The following CRPPA variants were observed in gnomAD, a reference collection of about 807,000 sequenced individuals.
CRPPA encodes the protein CDP-L-ribitol pyrophosphorylase A.
A neutral mutation model predicts 52.0 loss-of-function variants in CRPPA; 43 were observed. The ratio of observed to expected loss-of-function variants is 0.83; its 90% confidence interval spans 0.65 to 1.07. The LOEUF is 1.07. Ranked by LOEUF, CRPPA falls within the 50% of genes least tolerant of loss-of-function variation. CRPPA has a pLI of 0.00. For missense variants in CRPPA, 629 were observed against 551.7 expected, an observed-to-expected ratio of 1.14 and a Z score of -1.40; for synonymous variants, 250 against 203.5, an observed-to-expected ratio of 1.23 and a Z score of -1.94.
chr7:16,150,601 A>G (rs544731626), intron 9 of CRPPA, among the ~76,000 whole-genome samples: 20 of 152,334 alleles, frequency 1.3e-4, no homozygotes, highest in African/African-American at 4.3e-4. Flanking sequence ...CTACCACGAT[A>G]TAAGAAAAAA....
At chr7:16,230,129 T>G (rs1782754745) in intron 8 of CRPPA, among the ~76,000 whole-genome samples, 1 of 152,132 alleles carries the variant, frequency 6.6e-6, no homozygotes. Context: ...CCTTATTTGG[T>G]TTAAATTTGA....
At chr7:16,216,845 G>A (rs960320847) in intron 8 of CRPPA, among the ~76,000 whole-genome samples, 9 of 152,294 alleles carry the variant, frequency 5.9e-5, no homozygotes, top group African/African-American at 1.9e-4. Flanking sequence ...AAACTGCAAG[G>A]CGGCAGCGAG....
intron 9 of CRPPA, 36 bp downstream of exon 9, chr7:16,216,030 C>T: frequency 2.7e-6 from 4 of 1,505,250 alleles, no homozygotes; most frequent in Non-Finnish European, 3.6e-6. Context: ...AACTAGTCTA[C>T]AGAACATACA....
intron 9 of CRPPA, among the ~76,000 whole-genome samples, chr7:16,152,161 T>C (rs919692856): frequency 1.1e-4 from 17 of 151,940 alleles, no homozygotes; most frequent in South Asian, 2.1e-4. Flanking sequence ...TAAGAAAATA[T>C]GATGGAAATG....
chr7:16,174,604 A>G (rs532845109), intron 9 of CRPPA, among the ~76,000 whole-genome samples: 1 of 152,288 alleles, frequency 6.6e-6, no homozygotes, highest in East Asian at 1.9e-4. Flanking sequence ...ATGAAGACAG[A>G]GAAACTGAGT....
intron 6 of CRPPA, among the ~76,000 whole-genome samples, chr7:16,261,225 A>AT (rs1783787661): frequency 6.6e-6 from 1 of 152,138 alleles, no homozygotes; most frequent in African/African-American, 2.4e-5. Context: ...GTGTTGCTAA[A>AT]TTTTAGATAA....
intron 6 of CRPPA, among the ~76,000 whole-genome samples, chr7:16,271,973 T>G (rs1238599355): frequency 6.6e-6 from 1 of 152,192 alleles, no homozygotes; most frequent in Non-Finnish European, 1.5e-5. Context: ...TTCCCACTTA[T>G]AAATTCCTTA....
intron 9 of CRPPA, among the ~76,000 whole-genome samples, chr7:16,200,044 G>A (rs1413988824): frequency 6.6e-6 from 1 of 151,912 alleles, no homozygotes; most frequent in African/African-American, 2.4e-5. Flanking sequence ...TTTTAGTAGA[G>A]ATGGGATTTT....
intron 3 of CRPPA, among the ~76,000 whole-genome samples, chr7:16,338,581 C>A (rs1241107802): frequency 6.6e-6 from 1 of 150,970 alleles, no homozygotes; most frequent in Non-Finnish European, 1.5e-5. Context: ...GAAGAAAGGG[C>A]ATAACTGCAG....
chr7:16,250,384 G>A (rs556443784), intron 8 of CRPPA, among the ~76,000 whole-genome samples: 20 of 152,188 alleles, frequency 1.3e-4, no homozygotes, highest in African/African-American at 3.6e-4. Context: ...CACCACAAAC[G>A]TATTCCTCGA....
chr7:16,097,948 TTAC>T (rs754356306), intron 9 of CRPPA, among the ~76,000 whole-genome samples: 6 of 152,216 alleles, frequency 3.9e-5, no homozygotes, highest in Admixed American at 6.5e-5. Flanking sequence ...AAATCCTTAC[TTAC>T]TAACTGTCCC....
At chr7:16,102,414 A>G (rs1271996294) in intron 9 of CRPPA, among the ~76,000 whole-genome samples, 2 of 152,210 alleles carry the variant, frequency 1.3e-5, no homozygotes, top group African/African-American at 4.8e-5. Flanking sequence ...CTTCATGACT[A>G]AAACACCAAA....
At chr7:16,240,596 C>CACACACAG (rs1231510437) in intron 8 of CRPPA, among the ~76,000 whole-genome samples, 1 of 151,770 alleles carries the variant, frequency 6.6e-6, no homozygotes, top group Non-Finnish European at 1.5e-5. Context: ...CACACACACA[C>CACACACAG]ACACATTCAC....
chr7:16,205,160 C>T (rs1364644764), intron 9 of CRPPA, among the ~76,000 whole-genome samples: 1 of 152,136 alleles, frequency 6.6e-6, no homozygotes, highest in Non-Finnish European at 1.5e-5. Context: ...ACAACAACGG[C>T]CACATTTGCT....
rs1391827474 is a variant in CRPPA, at chr7:16,157,510, A to G, written c.1251+58556T>C. 2.6e-5 allele frequency among the ~76,000 whole-genome samples: 4 copies of G among 152,314 alleles called. No individual in the cohort carries two copies. The East Asian group carries it at 7.7e-4, about 29-fold the overall frequency. On this transcript the variant is annotated intron_variant, in intron 9 of 9. Transcript: ENST00000407010. ...ATTACAATTGCATAAAAATTACTGTATCCTGAAATTTGAATTTCATATTTT... is the reference window on the plus strand; with the variant it reads ...ATTACAATTGCATAAAAATTACTGTGTCCTGAAATTTGAATTTCATATTTT...
At chr7:16,241,973 G>GTTT (rs1249826023) in intron 8 of CRPPA, among the ~76,000 whole-genome samples, 2 of 106,578 alleles carry the variant, frequency 1.9e-5, no homozygotes, top group African/African-American at 3.7e-5. Context: ...TTTTTTGTTG[G>GTTT]GGGGAGATAG....
chr7:16,306,136 G>A (rs1287641343), intron 4 of CRPPA, among the ~76,000 whole-genome samples: 1 of 152,094 alleles, frequency 6.6e-6, no homozygotes, highest in Non-Finnish European at 1.5e-5. Context: ...AGTCATATTA[G>A]CTTTAGGGCC....
intron 9 of CRPPA, among the ~76,000 whole-genome samples, chr7:16,172,774 G>C (rs545589944): frequency 9.2e-5 from 14 of 152,128 alleles, no homozygotes; most frequent in African/African-American, 3.4e-4. Context: ...ATTTGAATAG[G>C]ACATGAGGGA....
At chr7:16,388,318 C>T (rs1787347258) in intron 2 of CRPPA, among the ~76,000 whole-genome samples, 1 of 151,840 alleles carries the variant, frequency 6.6e-6, no homozygotes, top group Non-Finnish European at 1.5e-5. Context: ...AAAAAATGAG[C>T]CAAAGAAACC....
Sources: allele counts gnomAD v4.1 joint callset (sites outside exome capture counted in the v4.1 genomes callset), GRCh38; gene constraint gnomAD v4.1.1; transcripts MANE v1.5; gene names NCBI Gene and HGNC (gene_info 2026-07-23, HGNC 2026-07-21).